Variants in CD99L2 observed in about 807,000 individuals in gnomAD.
CD99L2 encodes CD99 antigen-like protein 2.
CD99L2 carries 24 observed loss-of-function variants against 27.3 expected under a neutral mutation model. That is an observed-to-expected ratio of 0.88 (90% CI 0.64 to 1.24). The LOEUF (loss-of-function observed/expected upper bound fraction) is 1.24. CD99L2 is among the 50% of genes most tolerant of loss of function. CD99L2 has a pLI of 0.00. For missense variants in CD99L2, 255 were observed against 221.6 expected (o/e 1.15, Z -0.96); for synonymous variants, 97 against 87.9 (o/e 1.10, Z -0.58).
chrX:150,830,722 C>G (rs1557421039), intron 2 of CD99L2, among the ~76,000 whole-genome samples: 2 of 111,939 alleles, frequency 1.8e-5, no homozygotes, highest in African/African-American at 6.5e-5. Flanking sequence ...ACTGATATAT[C>G]AGTTATCACA....
intron 1 of CD99L2, among the ~76,000 whole-genome samples, chrX:150,891,565 A>C (rs7883872): frequency 0.28 from 31,554 of 110,814 alleles, 3,446 homozygotes; most frequent in Middle Eastern, 0.39. Flanking sequence ...TAAGGTCAGC[A>C]GATTGGCGGC....
At chrX:150,883,466 G>A (rs782749509) in intron 1 of CD99L2, among the ~76,000 whole-genome samples, 23 of 111,186 alleles carry the variant, frequency 2.1e-4, no homozygotes, top group Admixed American at 7.7e-4. Context: ...GGGCAAGGGC[G>A]ACTCAGAAAC....
chrX:150,833,199 C>G (rs182995560), intron 1 of CD99L2, among the ~76,000 whole-genome samples: 198 of 110,602 alleles, frequency 1.8e-3, no homozygotes, highest in African/African-American at 5.8e-3. Context: ...AGAAACAATC[C>G]CATTTATAAT....
chrX:150,882,525 G>C (rs1005482609), intron 1 of CD99L2, among the ~76,000 whole-genome samples: 5 of 110,171 alleles, frequency 4.5e-5, no homozygotes, highest in Non-Finnish European at 7.6e-5. Flanking sequence ...AGGAGTTCGA[G>C]ACCAGCCTGG....
At chrX:150,779,263 A>G (rs942562683) in intron 7 of CD99L2, among the ~76,000 whole-genome samples, 3 of 112,283 alleles carry the variant, frequency 2.7e-5, no homozygotes. Flanking sequence ...ACTTTCAAAA[A>G]GACTCAAAGC....
intron 2 of CD99L2, among the ~76,000 whole-genome samples, chrX:150,824,668 G>A (rs200617086): frequency 6.6e-4 from 42 of 63,653 alleles, no homozygotes; most frequent in Admixed American, 1.2e-3. Flanking sequence ...AAGAAGAAGA[G>A]GAAGAGGAAG....
At chrX:150,852,930 G>A (rs782313726) in intron 1 of CD99L2, among the ~76,000 whole-genome samples, 23 of 111,724 alleles carry the variant, frequency 2.1e-4, no homozygotes, top group Non-Finnish European at 4.0e-4. Flanking sequence ...ATGTACAGCC[G>A]GGTTTTCAGT....
At position 150,849,087 on chromosome X, in the gene CD99L2, C is replaced by A. The variant is rs781789402; in HGVS notation, c.68-17794G>T. Among the ~76,000 whole-genome samples, 32 of 111,626 alleles carry A rather than the reference C, an allele frequency of 2.9e-4. 1 individual carries two copies. The South Asian group carries it at 0.011, about 37-fold the overall frequency. On this transcript the variant is annotated intron_variant, in intron 1 of 10. Coordinates refer to ENST00000370377, the MANE Select transcript of CD99L2 (RefSeq NM_031462.4). ...TGTGCGTCATACTGCCGGGAAACAG[C>A]TTGCTCAAATTCCCTTCCCAAATAT...
At chrX:150,896,226 C>A (rs1249593179) in intron 1 of CD99L2, among the ~76,000 whole-genome samples, 1 of 109,259 alleles carries the variant, frequency 9.2e-6, no homozygotes, top group South Asian at 3.9e-4. Context: ...AGTGAAACCC[C>A]ATCTCTACTA....
chrX:150,884,602 G>A, intron 1 of CD99L2, among the ~76,000 whole-genome samples: 1 of 112,014 alleles, frequency 8.9e-6, no homozygotes, highest in Non-Finnish European at 1.9e-5. Flanking sequence ...TCAATCACTT[G>A]AGCCCGGGAA....
chrX:150,772,628 C>T (rs2043480314), intron 9 of CD99L2, among the ~76,000 whole-genome samples: 1 of 112,822 alleles, frequency 8.9e-6, no homozygotes, highest in Admixed American at 9.3e-5. Flanking sequence ...GCTGGAGGAG[C>T]GTGAGGTGTG....
Position 150,898,631 on chromosome X carries a change from C to T in CD99L2, c.-43G>A. ...GGGCCCCGGAGGAGCACAGTTAGCG[C>T]GAGAGCGCCCGAAGGGGAGGCCGAG... On this transcript the variant is annotated 5_prime_UTR_variant, in exon 1 of 11. Transcript: ENST00000370377. The T allele has an allele frequency of 9.5e-7, 1 of 1,050,194 alleles. No homozygotes were observed. Among genetic ancestry groups the T allele is most frequent in the Admixed American group, 4.1e-5 (1 of 24,561 alleles). The allele number at this position is 1,050,194 out of a possible 1,213,427, so 86.5% of individuals were successfully genotyped here. A position where few individuals can be genotyped will look rare whatever the true frequency, so the allele number is the denominator to read the frequency against.
chrX:150,897,076 T>G (rs1177018242), intron 1 of CD99L2, among the ~76,000 whole-genome samples: 1 of 112,519 alleles, frequency 8.9e-6, no homozygotes, highest in Non-Finnish European at 1.9e-5. Flanking sequence ...GCTTCTACTT[T>G]CAAGATTTCC....
At chrX:150,845,835 C>T (rs782656502) in intron 1 of CD99L2, among the ~76,000 whole-genome samples, 1 of 112,532 alleles carries the variant, frequency 8.9e-6, no homozygotes, top group South Asian at 3.7e-4. Context: ...CCCATGATAA[C>T]CCTATGACAA....
rs144760866 is a variant in CD99L2 at position 150,860,102 on chromosome X, A to C, written c.68-28809T>G. Among the ~76,000 whole-genome samples the C allele has an allele frequency of 5.0e-3, 563 of 111,918 alleles. 7 individuals carry two copies. Among genetic ancestry groups the C allele is most frequent in the Middle Eastern group, 0.014 (3 of 219 alleles). On this transcript the variant is annotated intron_variant, in intron 1 of 10. Transcript: ENST00000370377. Reference sequence around the variant, plus strand: ...CAACAAAATAATAGCAAACTGAATTAAATAGCACATCAAAAAAATAATACA... The same window carrying C: ...CAACAAAATAATAGCAAACTGAATTCAATAGCACATCAAAAAAATAATACA...
chrX:150,769,357 G>A (rs112227743), intron 10 of CD99L2, among the ~76,000 whole-genome samples: 16,235 of 111,822 alleles, frequency 0.15, 885 homozygotes, highest in Middle Eastern at 0.22. Context: ...TCCTGCCAGC[G>A]CTGCTGGAAG....
intron 1 of CD99L2, among the ~76,000 whole-genome samples, chrX:150,831,893 A>G (rs116259034): frequency 0.025 from 2,845 of 112,257 alleles, 104 homozygotes; most frequent in African/African-American, 0.089. Flanking sequence ...AAGCACCTAA[A>G]TATATAGAGC....
At chrX:150,809,170 C>T (rs1343018113) in intron 4 of CD99L2, among the ~76,000 whole-genome samples, 1 of 111,061 alleles carries the variant, frequency 9.0e-6, no homozygotes, top group Non-Finnish European at 1.9e-5. Flanking sequence ...TGATTTTAGC[C>T]CAGGAAGACC....
At chrX:150,828,594 G>A (rs1171451623) in intron 2 of CD99L2, 3 of 111,552 alleles carry the variant, frequency 2.7e-5, no homozygotes, top group South Asian at 3.8e-4. Flanking sequence ...AAAAATGGGG[G>A]AAGAATGTGA....
Sources: gnomAD v4.1 joint callset for allele counts (sites outside exome capture counted in the v4.1 genomes callset) on GRCh38, gnomAD v4.1.1 for gene constraint, MANE v1.5 for transcripts, NCBI Gene and HGNC (gene_info 2026-07-23, HGNC 2026-07-21) for gene names.